The following RNGTT variants were observed in gnomAD, a reference collection of about 807,000 sequenced individuals.
The protein encoded by RNGTT is RNA guanylyltransferase and 5'-phosphatase, also known as mRNA-capping enzyme.
RNGTT carries 33 observed loss-of-function variants against 79.3 expected under a neutral mutation model. The ratio of observed to expected loss-of-function variants is 0.42; its 90% CI spans 0.32 to 0.56. RNGTT has a LOEUF of 0.56. RNGTT is among the 20% of genes least tolerant of loss of function. The pLI is 0.17. For missense variants in RNGTT, 497 were observed against 739.1 expected (o/e 0.67, Z 3.80); for synonymous variants, 222 against 235.9 (o/e 0.94, Z 0.54).
chr6:88,712,563 T>C (rs2127808005), intron 13 of RNGTT, among the ~76,000 whole-genome samples: 1 of 152,322 alleles, frequency 6.6e-6, no homozygotes, highest in South Asian at 2.1e-4. Flanking sequence ...CCTCCTACCT[T>C]GGCCTCCCAA....
chr6:88,822,565 T>C (rs1399213397), intron 11 of RNGTT, among the ~76,000 whole-genome samples: 4 of 152,146 alleles, frequency 2.6e-5, no homozygotes, highest in Non-Finnish European at 5.9e-5. Context: ...GAAAAATAGG[T>C]ATAAATCCCC....
chr6:88,736,087 G>A (rs1453782666), intron 13 of RNGTT, among the ~76,000 whole-genome samples: 1 of 151,998 alleles, frequency 6.6e-6, no homozygotes, highest in Non-Finnish European at 1.5e-5. Flanking sequence ...TAGATAAAGT[G>A]GATCAATTCT....
At chr6:88,698,078 A>T (rs1775763867) in intron 13 of RNGTT, among the ~76,000 whole-genome samples, 1 of 94,158 alleles carries the variant, frequency 1.1e-5, no homozygotes, top group Admixed American at 1.0e-4. Context: ...TGAAATACAT[A>T]TATATGATAT....
At chr6:88,661,092 T>C (rs1420276562) in intron 14 of RNGTT, among the ~76,000 whole-genome samples, 3 of 152,152 alleles carry the variant, frequency 2.0e-5, no homozygotes, top group Non-Finnish European at 2.9e-5. Context: ...GAAATCAAGA[T>C]GGAAATTAAA....
intron 5 of RNGTT, among the ~76,000 whole-genome samples, chr6:88,905,344 A>G (rs543683930): frequency 6.6e-6 from 1 of 152,342 alleles, no homozygotes; most frequent in African/African-American, 2.4e-5. Context: ...TCCAGGCACT[A>G]AGAGTCTAGA....
At chr6:88,624,296 T>C (rs1403480793) in intron 14 of RNGTT, among the ~76,000 whole-genome samples, 4 of 151,932 alleles carry the variant, frequency 2.6e-5, no homozygotes, top group Admixed American at 2.6e-4. Flanking sequence ...AAGAACAAAT[T>C]TGAAGAAGTG....
At chr6:88,863,394 TTATGTC>T (rs1440160725) in intron 8 of RNGTT, among the ~76,000 whole-genome samples, 1 of 152,158 alleles carries the variant, frequency 6.6e-6, no homozygotes, top group Non-Finnish European at 1.5e-5. Flanking sequence ...ACTGGGTAAA[TTATGTC>T]TATAGAAAAG....
intron 13 of RNGTT, among the ~76,000 whole-genome samples, chr6:88,764,228 C>A (rs1049876979): frequency 6.6e-6 from 1 of 152,226 alleles, no homozygotes; most frequent in African/African-American, 2.4e-5. Context: ...TCAGTTCTTT[C>A]GTAACAGACA....
At chr6:88,950,548 A>G (rs1435111844) in intron 1 of RNGTT, among the ~76,000 whole-genome samples, 2 of 152,226 alleles carry the variant, frequency 1.3e-5, no homozygotes, top group East Asian at 1.9e-4. Flanking sequence ...AGAAAGTCAA[A>G]ATATCAACAG....
chr6:88,963,235 T>C, intron 1 of RNGTT, 111 bp downstream of exon 1: 2 of 1,092,174 alleles, frequency 1.8e-6, no homozygotes, highest in South Asian at 2.6e-5. Flanking sequence ...CATATCCCGC[T>C]CCTGAAATAC....
chr6:88,927,876 C>T (rs934728019), intron 4 of RNGTT, among the ~76,000 whole-genome samples: 9 of 150,982 alleles, frequency 6.0e-5, no homozygotes, highest in Non-Finnish European at 8.9e-5. Context: ...TACATTGCAT[C>T]CTCAATTTAA....
intron 11 of RNGTT, among the ~76,000 whole-genome samples, chr6:88,830,257 A>G (rs144247451): frequency 3.2e-4 from 49 of 152,308 alleles, no homozygotes; most frequent in African/African-American, 9.9e-4. Flanking sequence ...GCACAACTAC[A>G]TGGAAACTGA....
At chr6:88,843,711 G>C (rs1260259331) in intron 11 of RNGTT, among the ~76,000 whole-genome samples, 1 of 150,722 alleles carries the variant, frequency 6.6e-6, no homozygotes, top group African/African-American at 2.4e-5. Context: ...GACATGCGCC[G>C]CCACACCCGG....
intron 8 of RNGTT, among the ~76,000 whole-genome samples, chr6:88,861,275 C>G (rs957205639): frequency 1.3e-5 from 2 of 152,096 alleles, no homozygotes; most frequent in Admixed American, 6.6e-5. Context: ...CTTTCCCAGA[C>G]AGAATATATA....
chr6:88,930,130 ATACATACATATACATATACG>A (rs1784465817), intron 2 of RNGTT, among the ~76,000 whole-genome samples: 2 of 143,442 alleles, frequency 1.4e-5, no homozygotes, highest in Admixed American at 6.9e-5. Flanking sequence ...ATATACACGT[ATACATACATATACATATACG>A]TACATACATA....
chr6:88,681,150 G>C (rs1450779272), intron 13 of RNGTT, among the ~76,000 whole-genome samples: 1 of 152,168 alleles, frequency 6.6e-6, no homozygotes, highest in Non-Finnish European at 1.5e-5. Flanking sequence ...AGCAGGAACA[G>C]TCACTGTTCA....
chr6:88,737,949 CT>C, intron 13 of RNGTT, among the ~76,000 whole-genome samples: 3 of 152,230 alleles, frequency 2.0e-5, no homozygotes. Flanking sequence ...GAGAGTGTAA[CT>C]TTTCAGTGTT....
chr6:88,769,495 ATTG>A (rs1778576865), intron 13 of RNGTT, among the ~76,000 whole-genome samples: 2 of 151,856 alleles, frequency 1.3e-5, no homozygotes, highest in South Asian at 4.1e-4. Flanking sequence ...TACCTTTTAT[ATTG>A]TTGTTATTAA....
chr6:88,758,569 T>G (rs528659831), intron 13 of RNGTT, among the ~76,000 whole-genome samples: 37 of 152,210 alleles, frequency 2.4e-4, no homozygotes, highest in Non-Finnish European at 4.1e-4. Flanking sequence ...ACACAGAATG[T>G]TCCACATTTG....
Sources: allele counts gnomAD v4.1 joint callset (sites outside exome capture counted in the v4.1 genomes callset), GRCh38; gene constraint gnomAD v4.1.1; transcripts MANE v1.5; gene names NCBI Gene and HGNC (gene_info 2026-07-23, HGNC 2026-07-21).